The following GATA3 variants were observed in gnomAD, a reference collection of about 807,000 sequenced individuals.
The protein encoded by GATA3 is trans-acting T-cell-specific transcription factor GATA-3.
GATA3 carries 6 observed loss-of-function variants against 36.0 expected under a neutral mutation model. The ratio of observed to expected loss-of-function variants is 0.17; its 90% confidence interval spans 0.09 to 0.33. The LOEUF is 0.33. Among genes scored for constraint, GATA3 ranks in the 10% least tolerant of loss-of-function variants. The pLI is 1.00. For synonymous variants in GATA3, 326 were observed against 273.0 expected (o/e 1.19, Z -1.92); for missense variants, 514 against 610.1 (o/e 0.84, Z 1.66).
In GATA3 at chr10:8,074,225, T is replaced by A; in HGVS notation, c.*202T>A. 1.6e-6 allele frequency: 1 copy of A among 612,030 alleles called. No individual in the cohort carries two copies. The highest frequency in any genetic ancestry group is 2.1e-5 in the South Asian group (1 of 48,174). The allele number at this position is 612,030 out of a possible 1,614,324, so 37.9% of individuals were successfully genotyped here. Reference sequence around the variant, plus strand: ...AACCACTGAATCTGGACCCCATCTGTGAATAAGCCATTCTGACTCATATCC... The same window carrying A: ...AACCACTGAATCTGGACCCCATCTGAGAATAAGCCATTCTGACTCATATCC... On this transcript the variant is annotated 3_prime_UTR_variant, in exon 6 of 6. Coordinates refer to ENST00000379328, the MANE Select transcript of GATA3 (RefSeq NM_001002295.2).
intron 3 of GATA3, among the ~76,000 whole-genome samples, chr10:8,061,134 G>T (rs1832742219): frequency 6.6e-6 from 1 of 151,576 alleles, no homozygotes; most frequent in African/African-American, 2.4e-5. Flanking sequence ...ATTTGCTGAA[G>T]GAGGACACAG....
chr10:8,059,293 C>T (rs1832708887), intron 3 of GATA3, among the ~76,000 whole-genome samples: 1 of 152,200 alleles, frequency 6.6e-6, no homozygotes, highest in East Asian at 1.9e-4. Flanking sequence ...CTGACTGTTC[C>T]TCTCGCTCAG....
chr10:8,060,535 CT>C (rs35945472), intron 3 of GATA3, among the ~76,000 whole-genome samples: 1 of 148,270 alleles, frequency 6.7e-6, no homozygotes, highest in Non-Finnish European at 1.5e-5. Context: ...TTTTCTTTTT[CT>C]TTTTTTTTTA....
chr10:8,064,905 G>T (rs1034434935), intron 4 of GATA3, among the ~76,000 whole-genome samples: 4 of 148,064 alleles, frequency 2.7e-5, no homozygotes, highest in African/African-American at 1.0e-4. Flanking sequence ...GGATCCTTGA[G>T]AAAACCTGGC....
intron 1 of GATA3, among the ~76,000 whole-genome samples, chr10:8,046,816 G>C (rs1041510092): frequency 1.3e-5 from 2 of 152,086 alleles, no homozygotes; most frequent in East Asian, 3.9e-4. Context: ...GGTCGCATAG[G>C]GGGTCTGATT....
At chr10:8,056,369 G>A (rs2131484317) in intron 2 of GATA3, among the ~76,000 whole-genome samples, 1 of 152,350 alleles carries the variant, frequency 6.6e-6, no homozygotes, top group East Asian at 1.9e-4. Flanking sequence ...GGTGGGCGGG[G>A]TGGAGGGGGC....
chr10:8,046,691 G>GTGTC lies in GATA3; in HGVS notation c.-370+1177_-370+1178insGTCT, dbSNP rs58533845. ...TGTGTGTGTGTGTGTGTGTGTGTGT[G>GTGTC]TCAGGGGCTTACCATGACATGTTTG... On this transcript the variant is annotated intron_variant, in intron 1 of 1. Coordinates refer to the GATA3 transcript ENST00000643001. Among the ~76,000 whole-genome samples the GTGTC allele has an allele frequency of 9.6e-3, 1,397 of 145,048 alleles. 21 individuals are homozygous for GTGTC. Among genetic ancestry groups the GTGTC allele is most frequent in the African/African-American group, 0.02 (748 of 38,212 alleles).
intron 3 of GATA3, among the ~76,000 whole-genome samples, chr10:8,063,216 C>T (rs1408145319): frequency 6.6e-6 from 1 of 152,184 alleles, no homozygotes; most frequent in Non-Finnish European, 1.5e-5. Context: ...CCAAACCTTC[C>T]CTTTTCCTTT....
In GATA3 at chr10:8,075,085, G is replaced by A. The variant is rs951437298; in HGVS notation, c.*1062G>A. On this transcript the variant is annotated 3_prime_UTR_variant, in exon 6 of 6. Coordinates refer to ENST00000379328, the MANE Select transcript of GATA3 (RefSeq NM_001002295.2). ...GCCCGACAGGCCACGTCCTGCAATCGGCCCGGCTGCCTCTTCGCCCTGTCG... is the reference window on the plus strand; with the variant it reads ...GCCCGACAGGCCACGTCCTGCAATCAGCCCGGCTGCCTCTTCGCCCTGTCG... 7 of 233,090 alleles carry A rather than the reference G, an allele frequency of 3.0e-5. No individual in the cohort carries two copies. The highest frequency in any genetic ancestry group is 1.3e-4 in the African/African-American group (6 of 45,338). The allele number at this position is 233,090 out of a possible 1,614,324, so 14.4% of individuals were successfully genotyped here.
chr10:8,051,078 G>T (rs764746981), upstream of GATA3: 3 of 518,412 alleles, frequency 5.8e-6, no homozygotes, highest in African/African-American at 6.1e-5. Flanking sequence ...TCCGCTCTGC[G>T]CCATGGCCTC....
At chr10:8,073,301 T>C (rs2131518658) in intron 5 of GATA3, among the ~76,000 whole-genome samples, 1 of 151,970 alleles carries the variant, frequency 6.6e-6, no homozygotes, top group East Asian at 1.9e-4. Context: ...AGTAGAACAG[T>C]ACAGTCCTCA....
chr10:8,060,076 A>C (rs1832722421), intron 3 of GATA3, among the ~76,000 whole-genome samples: 1 of 152,252 alleles, frequency 6.6e-6, no homozygotes, highest in Admixed American at 6.5e-5. Flanking sequence ...CTGGGAGCCC[A>C]GTGACCATGA....
chr10:8,058,338 G>C lies in GATA3; in HGVS notation c.275G>C (p.Gly92Ala), dbSNP rs890683177. The C allele has an allele frequency of 6.2e-7, 1 of 1,613,304 alleles. No homozygotes were observed. Among genetic ancestry groups the C allele is most frequent in the Non-Finnish European group, 8.5e-7 (1 of 1,180,010 alleles). Residue 92 changes from glycine to alanine, a missense_variant, in exon 3 of 6, where the codon GGA (glycine) becomes GCA (alanine). Physicochemically the swap from Gly to Ala is moderately conservative, Grantham distance 60. Transcript: ENST00000379328. ...GTGTGCCGCCCGCCTCTGCTTCATG[G>C]ATCCCTACCCTGGCTGGACGGCGGC... is the stretch of plus-strand genomic sequence containing the variant. ...SQVCRPPLLH[G>A]SLPWLDGGKA...
chr10:8,055,573 C>G lies in GATA3; in HGVS notation c.-83C>G. 1 of 1,498,038 alleles carries G rather than the reference C, an allele frequency of 6.7e-7. No individual in the cohort carries two copies. The highest frequency in any genetic ancestry group is 2.5e-5 in the East Asian group (1 of 40,326). 92.8% of individuals were successfully genotyped at this position (1,498,038 alleles called of 1,614,324 possible). A position where few individuals can be genotyped will look rare whatever the true frequency, so the allele number is the denominator to read the frequency against. On this transcript the variant is annotated 5_prime_UTR_variant, in exon 2 of 6. Coordinates refer to ENST00000379328, the MANE Select transcript of GATA3 (RefSeq NM_001002295.2). This position sits in a 1 kb window ranked among gnomAD's most constrained non-coding sequence, Gnocchi z 5.4. The stretch of plus-strand genomic sequence containing the variant: ...CCCCCGACCCTCCGACGGCAGGAGC[C>G]CCCCGACCTCCCAGGCGGACCGCCC...
intron 2 of GATA3, among the ~76,000 whole-genome samples, 153 bp from the exon 3 acceptor site, chr10:8,058,152 G>A (rs1321170152): frequency 1.3e-5 from 2 of 152,208 alleles, no homozygotes; most frequent in East Asian, 3.9e-4. Flanking sequence ...CAGGTACTCC[G>A]GGGACCGCCA....
chr10:8,068,506 C>G (rs1413742157), intron 4 of GATA3, among the ~76,000 whole-genome samples: 2 of 152,220 alleles, frequency 1.3e-5, no homozygotes, highest in Admixed American at 1.3e-4. Context: ...AATACCGGCA[C>G]TTTGGGAGGC....
At chr10:8,064,266 CA>C (rs1832796230) in intron 4 of GATA3, 128 bp downstream of exon 4, 1 of 720,476 alleles carries the variant, frequency 1.4e-6, no homozygotes, top group East Asian at 4.0e-5. Context: ...TGGCTTGGGA[CA>C]GTTTTTTTTT....
At position 8,055,452 on chromosome 10, in the gene GATA3, C is replaced by G. The variant is rs945389432; in HGVS notation, c.-204C>G. The G allele has an allele frequency of 1.6e-6, 1 of 621,448 alleles. No individual in the cohort carries two copies. The highest frequency in any genetic ancestry group is 2.8e-6 in the Non-Finnish European group (1 of 359,336). The allele number at this position is 621,448 out of a possible 1,614,324, so 38.5% of individuals were successfully genotyped here. ...TCTTCCCCTTCTTCTCTTTGCTAAACGACCCCTCCAAGATAATTTTTAAAA... is the reference window on the plus strand; with the variant it reads ...TCTTCCCCTTCTTCTCTTTGCTAAAGGACCCCTCCAAGATAATTTTTAAAA... On this transcript the variant is annotated 5_prime_UTR_variant, in exon 2 of 6. Transcript: ENST00000379328. The surrounding 1 kb of genome is among the most constrained non-coding windows in gnomAD (Gnocchi z 5.4).
At chr10:8,046,262 A>G (rs539171193) in intron 1 of GATA3, among the ~76,000 whole-genome samples, 2 of 152,324 alleles carry the variant, frequency 1.3e-5, no homozygotes, top group South Asian at 4.1e-4. Context: ...AATGTCAAGG[A>G]AGTGGAGTGA....
Sources: allele counts gnomAD v4.1 joint callset (sites outside exome capture counted in the v4.1 genomes callset), GRCh38; gene constraint gnomAD v4.1.1; non-coding constraint Gnocchi (gnomAD v3.1); transcripts MANE v1.5; gene names NCBI Gene and HGNC (gene_info 2026-07-23, HGNC 2026-07-21).